The following GRM7 variants were observed in gnomAD, a reference collection of about 807,000 sequenced individuals.
The protein encoded by GRM7 is metabotropic glutamate receptor 7.
GRM7 carries 35 observed loss-of-function variants against 84.5 expected under a neutral mutation model. The observed-to-expected ratio is 0.41, with a 90% confidence interval of 0.32 to 0.55. The LOEUF (loss-of-function observed/expected upper bound fraction) is 0.55. GRM7 is among the 20% of genes least tolerant of loss of function. The probability of loss-of-function intolerance (pLI) is 0.19; values close to 1 mark genes in which losing one functional copy is unlikely to be tolerated. For missense variants in GRM7, 1,003 were observed against 1,194.6 expected (o/e 0.84, Z 2.36); for synonymous variants, 487 against 455.1 (o/e 1.07, Z -0.89).
At chr3:7,693,820 G>A in intron 9 of GRM7, 1 of 554,016 alleles carries the variant, frequency 1.8e-6, no homozygotes. Flanking sequence ...CTCATCACAT[G>A]CCAGCAACAT....
At chr3:7,564,637 T>G (rs1012895893) in intron 7 of GRM7, among the ~76,000 whole-genome samples, 1 of 152,184 alleles carries the variant, frequency 6.6e-6, no homozygotes, top group Non-Finnish European at 1.5e-5. Context: ...TATTGACCGT[T>G]GGAGCCATAA....
At chr3:7,719,966 G>C (rs1487747017) in intron 9 of GRM7, among the ~76,000 whole-genome samples, 1 of 152,112 alleles carries the variant, frequency 6.6e-6, no homozygotes, top group African/African-American at 2.4e-5. Flanking sequence ...GAATCATAAA[G>C]TAAATGAAGA....
chr3:7,695,337 CTCAG>C (rs1354330892), intron 9 of GRM7, among the ~76,000 whole-genome samples: 2 of 152,184 alleles, frequency 1.3e-5, no homozygotes, highest in African/African-American at 4.8e-5. Context: ...TTTTTCTGCA[CTCAG>C]TCAGCCACAA....
At chr3:7,107,166 A>G (rs1158498775) in intron 1 of GRM7, among the ~76,000 whole-genome samples, 1 of 152,056 alleles carries the variant, frequency 6.6e-6, no homozygotes, top group Admixed American at 6.6e-5. Flanking sequence ...AGCACTCATC[A>G]GGATAGAGAT....
intron 2 of GRM7, among the ~76,000 whole-genome samples, chr3:7,227,313 A>C (rs1392369870): frequency 6.6e-6 from 1 of 152,186 alleles, no homozygotes; most frequent in African/African-American, 2.4e-5. Flanking sequence ...TTCTAGAATA[A>C]TTTGGCATCT....
intron 1 of GRM7, among the ~76,000 whole-genome samples, chr3:6,974,285 A>T (rs968617972): frequency 6.6e-6 from 1 of 152,012 alleles, no homozygotes; most frequent in African/African-American, 2.4e-5. Context: ...AGTTTTGGAG[A>T]AAAAAAATTG....
intron 1 of GRM7, among the ~76,000 whole-genome samples, chr3:6,894,602 C>A (rs747013839): frequency 6.6e-6 from 1 of 151,820 alleles, no homozygotes; most frequent in Non-Finnish European, 1.5e-5. Flanking sequence ...CAAATATATA[C>A]ACATATATAT....
At chr3:7,056,640 C>T (rs2124963103) in intron 1 of GRM7, among the ~76,000 whole-genome samples, 1 of 152,076 alleles carries the variant, frequency 6.6e-6, no homozygotes, top group South Asian at 2.1e-4. Flanking sequence ...AAGATAACTA[C>T]TCATTTCTCT....
At chr3:6,940,786 A>G (rs1215356917) in intron 1 of GRM7, among the ~76,000 whole-genome samples, 1 of 152,196 alleles carries the variant, frequency 6.6e-6, no homozygotes, top group African/African-American at 2.4e-5. Flanking sequence ...TTTAACAGTC[A>G]TATCATCTTC....
chr3:7,267,705 G>A (rs1698696067), intron 2 of GRM7, among the ~76,000 whole-genome samples: 1 of 152,148 alleles, frequency 6.6e-6, no homozygotes, highest in African/African-American at 2.4e-5. Context: ...ATTTTATATA[G>A]CGGGGAAAGA....
intron 1 of GRM7, among the ~76,000 whole-genome samples, chr3:6,900,925 TAGAACCTGGCAC>T (rs1371059160): frequency 6.6e-6 from 1 of 152,192 alleles, no homozygotes; most frequent in Non-Finnish European, 1.5e-5. Context: ...TTTCTGGCAT[TAGAACCTGGCAC>T]AGATCATTTT....
chr3:7,413,978 C>T (rs923689583), intron 4 of GRM7, among the ~76,000 whole-genome samples: 75 of 152,256 alleles, frequency 4.9e-4, no homozygotes, highest in African/African-American at 1.6e-3. Context: ...AAACCAGGGT[C>T]TGGAATTAGG....
chr3:7,240,672 GTC>G (rs1322735094), intron 2 of GRM7, among the ~76,000 whole-genome samples: 1 of 152,074 alleles, frequency 6.6e-6, no homozygotes, highest in African/African-American at 2.4e-5. Context: ...GAAGATTTCA[GTC>G]TCTCTACTGA....
chr3:7,178,739 A>AAACC (rs1182867779), intron 2 of GRM7, among the ~76,000 whole-genome samples: 1 of 152,150 alleles, frequency 6.6e-6, no homozygotes, highest in Non-Finnish European at 1.5e-5. Flanking sequence ...CAGTAGTGAT[A>AAACC]AACCAGATAA....
chr3:7,419,155 T>G (rs73810635), intron 5 of GRM7, among the ~76,000 whole-genome samples: 2 of 152,092 alleles, frequency 1.3e-5, no homozygotes, highest in Admixed American at 1.3e-4. Context: ...TACGTAAGTA[T>G]AGACAAGAAT....
rs1439760645 is a variant in GRM7 at position 7,693,780 on chromosome 3, C to CTGTT, written c.2698+13488_2698+13491dup. ...AATGATGAGTGAAAGAGACCTTATC[C>CTGTT]TGTTTGCATGAGTTTAGTCGGGGGT... On this transcript the variant is annotated intron_variant, in intron 9 of 9. Transcript: ENST00000357716. 1.2e-5 allele frequency: 9 copies of CTGTT among 749,802 alleles called. No homozygotes were observed. In the African/African-American group the frequency reaches 1.4e-4, roughly 11 times the overall value. 46.4% of individuals were successfully genotyped at this position (749,802 alleles called of 1,614,324 possible). A position where few individuals can be genotyped will look rare whatever the true frequency, so the allele number is the denominator to read the frequency against.
chr3:6,885,018 G>C (rs1695638769), intron 1 of GRM7, among the ~76,000 whole-genome samples: 1 of 152,128 alleles, frequency 6.6e-6, no homozygotes, highest in Non-Finnish European at 1.5e-5. Context: ...TTCTATCCCT[G>C]GAAAATTTGC....
intron 2 of GRM7, among the ~76,000 whole-genome samples, chr3:7,282,961 A>C (rs1699306376): frequency 6.6e-6 from 1 of 152,142 alleles, no homozygotes; most frequent in South Asian, 2.1e-4. Context: ...ATTTAGGACT[A>C]AGTTTTTATC....
At chr3:7,694,965 C>CTTAT (rs1403179259) in intron 9 of GRM7, among the ~76,000 whole-genome samples, 10 of 152,254 alleles carry the variant, frequency 6.6e-5, no homozygotes, top group African/African-American at 1.9e-4. Context: ...GGGAAACAGT[C>CTTAT]TTATTTTTTA....
Sources: allele counts gnomAD v4.1 joint callset (sites outside exome capture counted in the v4.1 genomes callset), GRCh38; gene constraint gnomAD v4.1.1; transcripts MANE v1.5; gene names NCBI Gene and HGNC (gene_info 2026-07-23, HGNC 2026-07-21).